MAPT: variants seen among roughly 807,000 people sequenced by gnomAD.
MAPT encodes microtubule associated protein tau, also known as microtubule-associated protein tau.
In MAPT, 34 loss-of-function variants were observed where a neutral mutation model predicts 67.9. That is an observed-to-expected ratio of 0.50 (90% CI 0.38 to 0.67). The LOEUF (loss-of-function observed/expected upper bound fraction) is 0.67. Ranked by LOEUF, MAPT falls within the 30% of genes least tolerant of loss-of-function variation. The probability of loss-of-function intolerance (pLI) is 0.00; values close to 1 mark genes in which losing one functional copy is unlikely to be tolerated. For missense variants in MAPT, 881 were observed against 1,115.2 expected, an observed-to-expected ratio of 0.79 and a Z score of 2.99; for synonymous variants, 456 against 464.5, an observed-to-expected ratio of 0.98 and a Z score of 0.23.
At chr17:45,905,470 G>A (rs987655280) in intron 1 of MAPT, among the ~76,000 whole-genome samples, 3 of 152,084 alleles carry the variant, frequency 2.0e-5, no homozygotes, top group East Asian at 1.9e-4. Flanking sequence ...ACCAATGTTC[G>A]ATGGCTGATG....
At chr17:45,898,137 C>T (rs2063386965) in intron 1 of MAPT, 1 of 152,260 alleles carries the variant, frequency 6.6e-6, no homozygotes, top group South Asian at 2.1e-4. Context: ...GAAGCTCATA[C>T]ATTCCTTGGC....
At chr17:45,950,245 ACGCAGCATTC>A (rs1439156793) in intron 1 of MAPT, among the ~76,000 whole-genome samples, 1 of 152,144 alleles carries the variant, frequency 6.6e-6, no homozygotes, top group Non-Finnish European at 1.5e-5. Flanking sequence ...TCCAAACAGC[ACGCAGCATTC>A]CCCAGTGATG....
At chr17:45,985,648 T>C in intron 5 of MAPT, 1 of 985,146 alleles carries the variant, frequency 1.0e-6, no homozygotes, top group Non-Finnish European at 1.2e-6. Context: ...TTCTACCTGC[T>C]AACATTTCCT....
chr17:45,978,558 T>TCCCTAA, intron 4 of MAPT, 118 bp downstream of exon 4: 1 of 805,436 alleles, frequency 1.2e-6, no homozygotes, highest in Non-Finnish European at 2.0e-6. Flanking sequence ...CAGGAGATTT[T>TCCCTAA]AGGGAGTTGG....
At chr17:46,009,844 G>C (rs1329405721) in intron 9 of MAPT, among the ~76,000 whole-genome samples, 1 of 152,236 alleles carries the variant, frequency 6.6e-6, no homozygotes, top group Non-Finnish European at 1.5e-5. Flanking sequence ...CGGCAGGCTT[G>C]AGAACAGCCG....
At chr17:45,926,216 A>G (rs2066275625) in intron 1 of MAPT, among the ~76,000 whole-genome samples, 1 of 111,062 alleles carries the variant, frequency 9.0e-6, no homozygotes, top group Non-Finnish European at 2.4e-5. Flanking sequence ...ATGTCAAAGA[A>G]AAAAAAAAAA....
chr17:46,017,440 A>ATTTTTTTTTTTTTTTTTTTTTTTTTTTT lies in MAPT; in HGVS notation c.2174-1175_2174-1148dup, dbSNP rs76980614. On this transcript the variant is annotated intron_variant, in intron 11 of 12. Coordinates refer to ENST00000262410, the MANE Select transcript of MAPT (RefSeq NM_001377265.1). ...AGGCACATGCCAACATGCCTGGCTAATTTTTTTTTTTTTTTTTTTTTTTTT... is the reference window on the plus strand; with the variant it reads ...AGGCACATGCCAACATGCCTGGCTAATTTTTTTTTTTTTTTTTTTTTTTTTTTTTTTTTTTTTTTTTTTTTTTTTTTTT... Among the ~76,000 whole-genome samples the ATTTTTTTTTTTTTTTTTTTTTTTTTTTT allele has an allele frequency of 1.1e-4, 7 of 63,004 alleles. 2 individuals are homozygous for ATTTTTTTTTTTTTTTTTTTTTTTTTTTT. Among genetic ancestry groups the ATTTTTTTTTTTTTTTTTTTTTTTTTTTT allele is most frequent in the Non-Finnish European group, 1.2e-4 (4 of 34,424 alleles). 41.3% of individuals were successfully genotyped at this position (63,004 alleles called of 152,430 possible).
At chr17:45,956,218 G>C (rs1364188287) in intron 1 of MAPT, among the ~76,000 whole-genome samples, 1 of 152,212 alleles carries the variant, frequency 6.6e-6, no homozygotes, top group Admixed American at 6.5e-5. Context: ...TGGGGGTGCA[G>C]TGTGTGGGCA....
At chr17:45,939,819 A>T (rs185294551) in intron 1 of MAPT, among the ~76,000 whole-genome samples, 7 of 152,300 alleles carry the variant, frequency 4.6e-5, no homozygotes, top group Admixed American at 4.6e-4. Flanking sequence ...GGGATTTCAT[A>T]TATGACCTGC....
At chr17:45,949,948 A>G (rs2068892594) in intron 1 of MAPT, among the ~76,000 whole-genome samples, 1 of 152,194 alleles carries the variant, frequency 6.6e-6, no homozygotes, top group Non-Finnish European at 1.5e-5. Context: ...AAGAATCCCC[A>G]GGGAGGTTCT....
At chr17:45,940,108 A>G (rs1182098731) in intron 1 of MAPT, among the ~76,000 whole-genome samples, 2 of 152,202 alleles carry the variant, frequency 1.3e-5, no homozygotes, top group African/African-American at 2.4e-5. Context: ...CCTATATACT[A>G]CAAGCTTTCT....
In MAPT at chr17:45,996,343, C is replaced by T. The variant is rs1330818257; in HGVS notation, c.1733-56C>T. ...CCCACGGGACAGGCAGCCCCCAGGG[C>T]CTTTTCTGACCCCACCCACTCGAGT... On this transcript the variant is annotated intron_variant, in intron 8 of 12. Coordinates refer to ENST00000262410, the MANE Select transcript of MAPT (RefSeq NM_001377265.1). This position sits in a 1 kb window ranked among gnomAD's most constrained non-coding sequence, Gnocchi z 4.5. 1.3e-6 allele frequency: 2 copies of T among 1,591,862 alleles called. No individual in the cohort carries two copies. Among genetic ancestry groups the T allele is most frequent in the Non-Finnish European group, 8.5e-7 (1 of 1,170,030 alleles).
chr17:45,915,058 C>A lies in MAPT; in HGVS notation c.-18+20372C>A, dbSNP rs1273381493. 6.6e-6 allele frequency among the ~76,000 whole-genome samples: 1 copy of A among 152,146 alleles called. No individual in the cohort carries two copies. Among genetic ancestry groups the A allele is most frequent in the Non-Finnish European group, 1.5e-5 (1 of 68,028 alleles). On this transcript the variant is annotated intron_variant, in intron 1 of 12. Coordinates refer to ENST00000262410, the MANE Select transcript of MAPT (RefSeq NM_001377265.1). The surrounding 1 kb of genome is among the most constrained non-coding windows in gnomAD (Gnocchi z 4.4). ...GATTAAATGCATGTATACGCTCAGG[C>A]ATCAGCACACTTGGAAAGGATGAAA...
intron 3 of MAPT, 182 bp from the exon 4 acceptor site, chr17:45,978,193 A>G (rs144152926): frequency 1.1e-5 from 7 of 649,318 alleles, no homozygotes; most frequent in African/African-American, 8.9e-5. Flanking sequence ...GTGAACTTTT[A>G]TCACCAGCAT....
intron 8 of MAPT, among the ~76,000 whole-genome samples, chr17:45,992,454 A>C (rs1378760629): frequency 6.6e-6 from 1 of 152,184 alleles, no homozygotes; most frequent in African/African-American, 2.4e-5. Context: ...GGACGTTAGG[A>C]GTCTGCTGCA....
At chr17:45,923,834 G>T (rs1423201626) in intron 1 of MAPT, among the ~76,000 whole-genome samples, 1 of 152,186 alleles carries the variant, frequency 6.6e-6, no homozygotes, top group East Asian at 1.9e-4. Context: ...GCTCTGCCAG[G>T]TCCTAACTGC....
chr17:46,017,722 G>C (rs1307381989), intron 11 of MAPT, among the ~76,000 whole-genome samples: 2 of 148,778 alleles, frequency 1.3e-5, no homozygotes, highest in African/African-American at 4.9e-5. Context: ...GCCTCCCAAA[G>C]TGCTAGGATT....
intron 1 of MAPT, among the ~76,000 whole-genome samples, chr17:45,912,464 G>A (rs2064864043): frequency 6.6e-6 from 1 of 152,194 alleles, no homozygotes; most frequent in Non-Finnish European, 1.5e-5. Context: ...ATGTGGTGAT[G>A]GAGGCAGAGA....
Position 45,996,581 on chromosome 17 carries a change from C to T in MAPT, c.1915C>T (p.Pro639Ser). Residue 639 changes from proline (P) to serine (S), a missense_variant, in exon 9 of 13, where the codon CCC (proline) becomes TCC (serine). Physicochemically the swap from Pro to Ser is moderately conservative, Grantham distance 74. Transcript: ENST00000262410. The surrounding 1 kb of genome is among the most constrained non-coding windows in gnomAD (Gnocchi z 4.5). ...SSAKSRLQTA[P>S]VPMPDLKNVK... ...CGCCAAGAGCCGCCTGCAGACAGCC[C>T]CCGTGCCCATGCCAGACCTGAAGAA... 3.1e-6 allele frequency: 5 copies of T among 1,613,900 alleles called. No homozygotes were observed. The highest frequency in any genetic ancestry group is 4.2e-6 in the Non-Finnish European group (5 of 1,179,920).
Sources: gnomAD v4.1 joint callset for allele counts (sites outside exome capture counted in the v4.1 genomes callset) on GRCh38, gnomAD v4.1.1 for gene constraint, Gnocchi (gnomAD v3.1) non-coding constraint, MANE v1.5 for transcripts, NCBI Gene and HGNC (gene_info 2026-07-23, HGNC 2026-07-21) for gene names.